Variants in PCDH7 observed in about 807,000 individuals in gnomAD.
PCDH7 encodes the protein protocadherin 7, also known as protocadherin-7.
A neutral mutation model predicts 58.9 loss-of-function variants in PCDH7; 17 were observed. The observed-to-expected ratio is 0.29, with a 90% CI of 0.20 to 0.43. The LOEUF (loss-of-function observed/expected upper bound fraction) is 0.43. Among genes scored for constraint, PCDH7 ranks in the 20% least tolerant of loss-of-function variants. The probability of loss-of-function intolerance (pLI) is 1.00; values close to 1 mark genes in which losing one functional copy is unlikely to be tolerated. For synonymous variants in PCDH7, 664 were observed against 616.4 expected, an observed-to-expected ratio of 1.08 and a Z score of -1.14; for missense variants, 1,274 against 1,441.0, an observed-to-expected ratio of 0.88 and a Z score of 1.88.
At chr4:30,984,020 G>C (rs1028850583) in intron 3 of PCDH7, among the ~76,000 whole-genome samples, 7 of 152,132 alleles carry the variant, frequency 4.6e-5, no homozygotes, top group Non-Finnish European at 8.8e-5. Flanking sequence ...AGTATCCCTA[G>C]TACTAAGATT....
intron 1 of PCDH7, among the ~76,000 whole-genome samples, chr4:30,749,212 G>A (rs1203465242): frequency 2.0e-5 from 3 of 152,182 alleles, no homozygotes; most frequent in African/African-American, 7.2e-5. Flanking sequence ...AAAAGGTGTG[G>A]TTTCACCACT....
chr4:31,000,978 A>G (rs1221435045), intron 3 of PCDH7, among the ~76,000 whole-genome samples: 1 of 152,108 alleles, frequency 6.6e-6, no homozygotes, highest in Non-Finnish European at 1.5e-5. Flanking sequence ...CATCAAAAGT[A>G]TATTAATTAA....
chr4:30,888,714 G>A (rs573899139), intron 1 of PCDH7, among the ~76,000 whole-genome samples: 1 of 152,174 alleles, frequency 6.6e-6, no homozygotes, highest in Non-Finnish European at 1.5e-5. Flanking sequence ...TCTGAGATTT[G>A]TTTCCCGGTA....
chr4:31,042,511 G>A (rs985055554), intron 3 of PCDH7, among the ~76,000 whole-genome samples: 1 of 152,010 alleles, frequency 6.6e-6, no homozygotes, highest in African/African-American at 2.4e-5. Context: ...TTATATTTAT[G>A]AATCGTTTAT....
At chr4:30,832,431 ATAT>A (rs1429442921) in intron 1 of PCDH7, among the ~76,000 whole-genome samples, 2 of 152,114 alleles carry the variant, frequency 1.3e-5, no homozygotes, top group Non-Finnish European at 2.9e-5. Flanking sequence ...GAATAATGTG[ATAT>A]TATATTAACT....
chr4:30,980,611 G>A (rs1488563381), intron 3 of PCDH7, among the ~76,000 whole-genome samples: 1 of 151,988 alleles, frequency 6.6e-6, no homozygotes, highest in Admixed American at 6.5e-5. Context: ...AAGAAACATC[G>A]AGTATCATAC....
rs564750940 is a variant in PCDH7, at chr4:31,057,892, C to T, written c.*8-84581C>T. ...ACAAAACATGTACCTGGAATATGTACATATTCTTTCTAACTGCCTTTAGAA... is the reference window on the plus strand; with the variant it reads ...ACAAAACATGTACCTGGAATATGTATATATTCTTTCTAACTGCCTTTAGAA... On this transcript the variant is annotated intron_variant, in intron 3 of 3. Coordinates refer to the PCDH7 transcript ENST00000509759. Among the ~76,000 whole-genome samples, 20 of 152,158 alleles carry T rather than the reference C, an allele frequency of 1.3e-4. No individual in the cohort carries two copies. In the South Asian group the frequency reaches 3.7e-3, roughly 28 times the overall value.
At chr4:30,806,878 G>T (rs1726283945) in intron 1 of PCDH7, among the ~76,000 whole-genome samples, 1 of 151,882 alleles carries the variant, frequency 6.6e-6, no homozygotes, top group East Asian at 1.9e-4. Flanking sequence ...AGAATCTATT[G>T]TAGAGTGTCA....
chr4:31,075,812 T>C (rs979978529), intron 3 of PCDH7, among the ~76,000 whole-genome samples: 1 of 152,224 alleles, frequency 6.6e-6, no homozygotes, highest in African/African-American at 2.4e-5. Context: ...CTTCCTTTTA[T>C]TATTTTTTGA....
At chr4:31,073,107 C>A (rs893357843) in intron 3 of PCDH7, among the ~76,000 whole-genome samples, 6 of 152,010 alleles carry the variant, frequency 3.9e-5, no homozygotes, top group African/African-American at 1.4e-4. Context: ...GATGAACAGT[C>A]AAAGCAAGTG....
intron 3 of PCDH7, among the ~76,000 whole-genome samples, chr4:30,995,343 T>A (rs1327980403): frequency 6.6e-6 from 1 of 151,970 alleles, no homozygotes; most frequent in African/African-American, 2.4e-5. Context: ...AAACCCTGTC[T>A]CTACTAAAAA....
intron 3 of PCDH7, among the ~76,000 whole-genome samples, chr4:31,102,098 T>C (rs1325375734): frequency 6.6e-6 from 1 of 152,186 alleles, no homozygotes; most frequent in East Asian, 1.9e-4. Context: ...ATTCTAGCAA[T>C]AGGTATCATT....
rs370034723 is a variant in PCDH7, at chr4:31,097,638, A to ATATATATAAAATC, written c.*8-44835_*8-44834insTATATATAAAATC. Among the ~76,000 whole-genome samples, 235 of 79,206 alleles carry ATATATATAAAATC rather than the reference A, an allele frequency of 3.0e-3. 50 individuals are homozygous for ATATATATAAAATC. The highest frequency in any genetic ancestry group is 9.6e-3 in the African/African-American group (166 of 17,340). The allele number at this position is 79,206 out of a possible 152,430, so 52.0% of individuals were successfully genotyped here. On this transcript the variant is annotated intron_variant, in intron 3 of 3. Transcript: ENST00000509759. ...TATATATATATATATATATATATAT[A>ATATATATAAAATC]AATCTTTTTTCTGTAATTTCTGTAA...
In PCDH7 at chr4:31,123,088, A is replaced by T. The variant is rs140226035; in HGVS notation, c.*8-19385A>T. Among the ~76,000 whole-genome samples, 1,121 of 152,228 alleles carry T rather than the reference A, an allele frequency of 7.4e-3. 11 individuals carry two copies. The highest frequency in any genetic ancestry group is 0.025 in the African/African-American group (1,051 of 41,560). On this transcript the variant is annotated intron_variant, in intron 3 of 3. Coordinates refer to the PCDH7 transcript ENST00000509759. ...AATTTTAATACTTTTAAGATAAGCAACACTAAAATGTACCTTTTTAAGCCA... is the reference window on the plus strand; with the variant it reads ...AATTTTAATACTTTTAAGATAAGCATCACTAAAATGTACCTTTTTAAGCCA...
In PCDH7 at chr4:31,057,599, A is replaced by G. The variant is rs1015741143; in HGVS notation, c.*8-84874A>G. Among the ~76,000 whole-genome samples the G allele has an allele frequency of 3.3e-5, 5 of 152,190 alleles. No homozygotes were observed. In the East Asian group the frequency reaches 9.6e-4, roughly 29 times the overall value. ...ACCAAAGTAACACCATGTATTCCCT[A>G]AGAATGAACAAGAAAATCAAGCTTA... On this transcript the variant is annotated intron_variant, in intron 3 of 3. Transcript: ENST00000509759.
rs540789641 is a variant in PCDH7 at position 31,028,937 on chromosome 4, T to A, written c.*7+78722T>A. Among the ~76,000 whole-genome samples the A allele has an allele frequency of 4.9e-3, 739 of 152,250 alleles. 4 individuals are homozygous for A. Among genetic ancestry groups the A allele is most frequent in the Non-Finnish European group, 8.9e-3 (604 of 68,026 alleles). On this transcript the variant is annotated intron_variant, in intron 3 of 3. Coordinates refer to the PCDH7 transcript ENST00000509759. ...GCAACCCCAAACTGGTTGTGTGACA[T>A]TGATATATTTTGATGATTGACTATG...
At chr4:31,118,976 A>G (rs919587530) in intron 3 of PCDH7, among the ~76,000 whole-genome samples, 3 of 152,192 alleles carry the variant, frequency 2.0e-5, no homozygotes, top group African/African-American at 7.2e-5. Flanking sequence ...TTTTGAGATT[A>G]AAGGTAGATA....
At chr4:31,115,834 G>C (rs1422755157) in intron 3 of PCDH7, among the ~76,000 whole-genome samples, 2 of 152,104 alleles carry the variant, frequency 1.3e-5, no homozygotes, top group Non-Finnish European at 2.9e-5. Flanking sequence ...AGAAAATTCA[G>C]TCCATTATCA....
At chr4:31,090,611 T>C (rs1713112037) in intron 3 of PCDH7, among the ~76,000 whole-genome samples, 1 of 152,106 alleles carries the variant, frequency 6.6e-6, no homozygotes, top group African/African-American at 2.4e-5. Context: ...GGTAATTCAA[T>C]CACAAAGAAT....
Sources: gnomAD v4.1 joint callset for allele counts (sites outside exome capture counted in the v4.1 genomes callset) on GRCh38, gnomAD v4.1.1 for gene constraint, MANE v1.5 for transcripts, NCBI Gene and HGNC (gene_info 2026-07-23, HGNC 2026-07-21) for gene names.